Variants in ZNF623 observed in about 807,000 individuals in gnomAD.
ZNF623 encodes the protein zinc finger protein 623.
In ZNF623, 16 loss-of-function variants were observed where a neutral mutation model predicts 24.0. That is an observed-to-expected ratio of 0.67 (90% confidence interval 0.45 to 1.01). The LOEUF (loss-of-function observed/expected upper bound fraction) is 1.01. ZNF623 is among the 50% of genes least tolerant of loss of function. The pLI, the probability that ZNF623 is intolerant of heterozygous loss-of-function variation, is 0.00. For missense variants in ZNF623, 566 were observed against 606.5 expected (o/e 0.93, Z 0.70); for synonymous variants, 224 against 219.8 (o/e 1.02, Z -0.17).
In ZNF623 at chr8:143,651,650, C is replaced by T. The variant is rs1196205161; in HGVS notation, c.*167C>T. Reference sequence around the variant, plus strand: ...CAGCCCTACTCGGCTCAGCCCTTCTCCTCAGCTGTGAGCACTGTCCTCAGG... The same window carrying T: ...CAGCCCTACTCGGCTCAGCCCTTCTTCTCAGCTGTGAGCACTGTCCTCAGG... On this transcript the variant is annotated 3_prime_UTR_variant, in exon 2 of 2. Transcript: ENST00000526926. 6.8e-6 allele frequency: 5 copies of T among 730,396 alleles called. No individual in the cohort carries two copies. The highest frequency in any genetic ancestry group is 3.6e-5 in the African/African-American group (2 of 55,792). 45.2% of individuals were successfully genotyped at this position (730,396 alleles called of 1,614,324 possible). A position where few individuals can be genotyped will look rare whatever the true frequency, so the allele number is the denominator to read the frequency against.
intron 1 of ZNF623, among the ~76,000 whole-genome samples, chr8:143,639,689 C>T (rs1182162141): frequency 6.6e-6 from 1 of 152,192 alleles, no homozygotes; most frequent in Non-Finnish European, 1.5e-5. Flanking sequence ...AGAATTGAAT[C>T]TGAATATTTT....
chr8:143,641,244 T>G (rs1427362621), intron 1 of ZNF623, among the ~76,000 whole-genome samples: 1 of 152,222 alleles, frequency 6.6e-6, no homozygotes, highest in East Asian at 1.9e-4. Flanking sequence ...TTCGGCTGAC[T>G]TTGCCCAGAT....
At chr8:143,646,341 C>T (rs997361731) in intron 1 of ZNF623, among the ~76,000 whole-genome samples, 1 of 152,200 alleles carries the variant, frequency 6.6e-6, no homozygotes, top group African/African-American at 2.4e-5. Context: ...CTGTACCTGG[C>T]TTATTACCTT....
At chr8:143,639,866 G>T (rs1307899195) in intron 1 of ZNF623, among the ~76,000 whole-genome samples, 2 of 152,206 alleles carry the variant, frequency 1.3e-5, no homozygotes, top group East Asian at 3.8e-4. Flanking sequence ...GGAGGGGAGA[G>T]AGTGGACAGC....
At position 143,650,544 on chromosome 8, in the gene ZNF623, G is replaced by C; in HGVS notation, c.552G>C (p.Arg184Ser). The C allele has an allele frequency of 3.7e-6, 6 of 1,614,202 alleles. No individual in the cohort carries two copies. Among genetic ancestry groups the C allele is most frequent in the Non-Finnish European group, 5.1e-6 (6 of 1,180,038 alleles). The change falls in exon 2 of 2, where the codon AGG becomes AGC. Residue 184 changes from arginine to serine, a missense_variant. By Grantham distance (110) the Arg-to-Ser change is moderately radical (BLOSUM62 -1). Coordinates refer to ENST00000526926, the MANE Select transcript of ZNF623 (RefSeq NM_001261843.2). This position sits in a 1 kb window ranked among gnomAD's most constrained non-coding sequence, Gnocchi z 5.2. ...KAFCHSSDLI[R>S]HQRVHTRERP... is the part of the protein sequence containing the mutation. Reference sequence around the variant, plus strand: ...TTTGTCACAGTTCAGACCTGATTAGGCACCAGAGAGTTCACACCAGAGAGA... The same window carrying C: ...TTTGTCACAGTTCAGACCTGATTAGCCACCAGAGAGTTCACACCAGAGAGA...
chr8:143,641,014 A>G (rs774073952), intron 1 of ZNF623, among the ~76,000 whole-genome samples: 13 of 150,748 alleles, frequency 8.6e-5, no homozygotes, highest in Non-Finnish European at 1.5e-4. Context: ...GATTGAAGCA[A>G]TTCAGTGACA....
At chr8:143,647,805 T>C (rs987535048) in intron 1 of ZNF623, among the ~76,000 whole-genome samples, 1 of 152,030 alleles carries the variant, frequency 6.6e-6, no homozygotes, top group African/African-American at 2.4e-5. Flanking sequence ...AGGGGAGAAG[T>C]AAGCAGGTGG....
At chr8:143,646,730 G>A (rs1815184406) in intron 1 of ZNF623, among the ~76,000 whole-genome samples, 1 of 151,798 alleles carries the variant, frequency 6.6e-6, no homozygotes, top group Non-Finnish European at 1.5e-5. Context: ...AGTGGCACAA[G>A]CACGGCTCAC....
In ZNF623 at chr8:143,650,408, A is replaced by G. The variant is rs1277314649; in HGVS notation, c.416A>G (p.Tyr139Cys). 8 of 1,613,998 alleles carry G rather than the reference A, an allele frequency of 5.0e-6. No individual in the cohort carries two copies. Among genetic ancestry groups the G allele is most frequent in the South Asian group, 3.3e-5 (3 of 91,076 alleles). The change falls in exon 2 of 2, where the codon TAC becomes TGC. Residue 139 changes from tyrosine to cysteine, a missense_variant. By Grantham distance (194) the Tyr-to-Cys change is radical. Transcript: ENST00000526926. This position sits in a 1 kb window ranked among gnomAD's most constrained non-coding sequence, Gnocchi z 5.2. ...AGAATTCACACTGGAGAGAGACTCT[A>G]CGTCTGTAATGTGTGTGGGAAAGAC... Reference protein sequence around the residue: ...HQRIHTGERLYVCNVCGKDFI... With the variant: ...HQRIHTGERLCVCNVCGKDFI...
chr8:143,645,076 C>T (rs1367200602), intron 1 of ZNF623, among the ~76,000 whole-genome samples: 5 of 151,282 alleles, frequency 3.3e-5, no homozygotes, highest in Non-Finnish European at 4.4e-5. Context: ...TTTGATGAGC[C>T]GAGATCGTGC....
chr8:143,640,420 C>T (rs1815023284), intron 1 of ZNF623, among the ~76,000 whole-genome samples: 1 of 152,156 alleles, frequency 6.6e-6, no homozygotes, highest in Non-Finnish European at 1.5e-5. Context: ...TGGAATCTTG[C>T]TTTCACAAAA....
At chr8:143,645,983 C>G (rs1815168716) in intron 1 of ZNF623, among the ~76,000 whole-genome samples, 1 of 152,038 alleles carries the variant, frequency 6.6e-6, no homozygotes, top group Admixed American at 6.6e-5. Context: ...GTTAATCTTT[C>G]TTTAAGGTAA....
At chr8:143,643,007 C>T (rs1436773297) in intron 1 of ZNF623, among the ~76,000 whole-genome samples, 1 of 152,144 alleles carries the variant, frequency 6.6e-6, no homozygotes, top group Non-Finnish European at 1.5e-5. Context: ...GAAGGGAGGT[C>T]GTCTGGGAGA....
At chr8:143,642,881 T>TA (rs1238628808) in intron 1 of ZNF623, among the ~76,000 whole-genome samples, 2 of 152,164 alleles carry the variant, frequency 1.3e-5, no homozygotes, top group African/African-American at 4.8e-5. Context: ...GGTGGTCTCT[T>TA]AGATTCCTGG....
At chr8:143,645,507 AG>A (rs1815158035) in intron 1 of ZNF623, among the ~76,000 whole-genome samples, 1 of 152,150 alleles carries the variant, frequency 6.6e-6, no homozygotes, top group South Asian at 2.1e-4. Context: ...TTTCTCTCAA[AG>A]CAGTCACTGT....
Position 143,650,731 on chromosome 8 carries a change from G to T in ZNF623, c.739G>T (p.Glu247Ter). 1 of 1,614,154 alleles carries T rather than the reference G, an allele frequency of 6.2e-7. No individual in the cohort carries two copies. The highest frequency in any genetic ancestry group is 1.1e-5 in the South Asian group (1 of 91,084). ...CATTCGCCATTATCAGATCCACACA[G>T]AAGTGAAACAGTATGAATGCAAAGA... ...SLIRHYQIHT[E>*]VKQYECKECG... Residue 247 changes from glutamate (E) to a stop codon, truncating the protein, a stop_gained, in exon 2 of 2, where the codon GAA (glutamate) becomes TAA (stop). Transcript: ENST00000526926. LOFTEE classifies it high-confidence loss of function. The surrounding 1 kb of genome is among the most constrained non-coding windows in gnomAD (Gnocchi z 5.2).
At position 143,650,700 on chromosome 8, in the gene ZNF623, G is replaced by C. The variant is rs779216130; in HGVS notation, c.708G>C (p.Ser236=). ...NECGKSFIRS[S]SLIRHYQIHT... is the part of the protein sequence containing the mutation. The stretch of plus-strand genomic sequence containing the variant: ...GTGGGAAATCCTTCATAAGGAGCTC[G>C]AGCCTCATTCGCCATTATCAGATCC... The change falls in exon 2 of 2, where the codon TCG becomes TCC. Residue 236 remains serine, a synonymous_variant. Coordinates refer to ENST00000526926, the MANE Select transcript of ZNF623 (RefSeq NM_001261843.2). The surrounding 1 kb of genome is among the most constrained non-coding windows in gnomAD (Gnocchi z 5.2). 3 of 1,613,558 alleles carry C rather than the reference G, an allele frequency of 1.9e-6. No homozygotes were observed. Among genetic ancestry groups the C allele is most frequent in the Non-Finnish European group, 1.7e-6 (2 of 1,179,950 alleles).
chr8:143,648,161 A>G (rs994938907), intron 1 of ZNF623, among the ~76,000 whole-genome samples: 1 of 152,176 alleles, frequency 6.6e-6, no homozygotes, highest in African/African-American at 2.4e-5. Flanking sequence ...GTGTCTGATA[A>G]TGAGTGCACT....
At position 143,650,595 on chromosome 8, in the gene ZNF623, G is replaced by A; in HGVS notation, c.603G>A (p.Gly201=). 6.2e-7 allele frequency: 1 copy of A among 1,614,188 alleles called. No individual in the cohort carries two copies. ...GACCTTTTGAATGCAAAGAGTGTGG[G>A]AAAGGCTTCAGTCAGAGCTCCTTAC... ...RERPFECKEC[G]KGFSQSSLLI... is the part of the protein sequence containing the mutation. The change falls in exon 2 of 2, where the codon GGG becomes GGA. Residue 201 remains glycine (G), a synonymous_variant. Transcript: ENST00000526926. This position sits in a 1 kb window ranked among gnomAD's most constrained non-coding sequence, Gnocchi z 5.2.
Sources: allele counts gnomAD v4.1 joint callset (sites outside exome capture counted in the v4.1 genomes callset), GRCh38; gene constraint gnomAD v4.1.1; non-coding constraint Gnocchi (gnomAD v3.1); transcripts MANE v1.5; gene names NCBI Gene and HGNC (gene_info 2026-07-23, HGNC 2026-07-21).